Variants in VGLL4 observed in about 807,000 individuals in gnomAD.
VGLL4 encodes the protein vestigial like family member 4.
Under a neutral mutation model 21.0 loss-of-function variants are expected in VGLL4, and 7 were observed. That is an observed-to-expected ratio of 0.33 (90% confidence interval 0.19 to 0.63). VGLL4 has a LOEUF of 0.63. Among genes scored for constraint, VGLL4 ranks in the 20% least tolerant of loss-of-function variants. The pLI is 0.78. For synonymous variants in VGLL4, 222 were observed against 173.2 expected (o/e 1.28, Z -2.21); for missense variants, 394 against 425.7 (o/e 0.93, Z 0.66).
rs2073639305 is a variant in VGLL4, at chr3:11,568,540, GA to G, written c.273-3522del. Reference sequence around the variant, plus strand: ...GCACTATGGGTCAGACAAAGACACTGAAAACAGCGAGAAAAGGCCTGGAGAA... The same window carrying G: ...GCACTATGGGTCAGACAAAGACACTGAAACAGCGAGAAAAGGCCTGGAGAA... On this transcript the variant is annotated intron_variant, in intron 2 of 4. Transcript: ENST00000430365. The surrounding 1 kb of genome is among the most constrained non-coding windows in gnomAD (Gnocchi z 5.9). 6.5e-7 allele frequency: 1 copy of G among 1,549,218 alleles called. No individual in the cohort carries two copies. Among genetic ancestry groups the G allele is most frequent in the Non-Finnish European group, 8.7e-7 (1 of 1,144,334 alleles).
chr3:11,714,932 G>A lies in VGLL4; in HGVS notation c.-14+5462C>T, dbSNP rs898370269. ...GGGCGGATCACGAGGTCAGGAGATC[G>A]AGACCATCCTGGCTAACACAGTGAA... On this transcript the variant is annotated intron_variant, in intron 1 of 5. Coordinates refer to the VGLL4 transcript ENST00000273038. Among the ~76,000 whole-genome samples the A allele has an allele frequency of 8.0e-4, 122 of 152,128 alleles. 1 individual carries two copies. Among genetic ancestry groups the A allele is most frequent in the Admixed American group, 5.2e-3 (80 of 15,288 alleles).
intron 2 of VGLL4, among the ~76,000 whole-genome samples, chr3:11,666,124 C>T (rs2076121217): frequency 6.6e-6 from 1 of 151,888 alleles, no homozygotes; most frequent in African/African-American, 2.4e-5. Context: ...TGGTAGTGGG[C>T]GCCTGTAGTC....
rs191538444 is a variant in VGLL4, at chr3:11,568,108, T to A, written c.273-3089A>T. Among the ~76,000 whole-genome samples the A allele has an allele frequency of 1.3e-4, 20 of 152,230 alleles. No homozygotes were observed. Among genetic ancestry groups the A allele is most frequent in the Admixed American group, 9.8e-4 (15 of 15,286 alleles). On this transcript the variant is annotated intron_variant, in intron 2 of 4. Coordinates refer to ENST00000430365, the MANE Select transcript of VGLL4 (RefSeq NM_001128219.3). The surrounding 1 kb of genome is among the most constrained non-coding windows in gnomAD (Gnocchi z 5.9). ...AGAAAGGCCCGGGAGGGGCTGCAGC[T>A]CCCAAGTGACAGCTCTGGATCCGGG...
rs1038855532 is a variant in VGLL4 at position 11,565,206 on chromosome 3, G to C, written c.273-187C>G. ...CCGGACACCAAAGCCTCTGGGTGCC[G>C]GAGAAGCTGCTGCCAGCGGAGTCCA... On this transcript the variant is annotated intron_variant, in intron 2 of 4. Coordinates refer to ENST00000430365, the MANE Select transcript of VGLL4 (RefSeq NM_001128219.3). This position sits in a 1 kb window ranked among gnomAD's most constrained non-coding sequence, Gnocchi z 4.1. 6.6e-6 allele frequency among the ~76,000 whole-genome samples: 1 copy of C among 152,126 alleles called. No individual in the cohort carries two copies. The highest frequency in any genetic ancestry group is 1.5e-5 in the Non-Finnish European group (1 of 68,026).
At chr3:11,682,114 C>G (rs543322071) in intron 2 of VGLL4, among the ~76,000 whole-genome samples, 1 of 152,140 alleles carries the variant, frequency 6.6e-6, no homozygotes, top group East Asian at 1.9e-4. Context: ...CAAAAATTAG[C>G]CAGGTGTGGC....
At chr3:11,672,614 CTT>C (rs973473995) in intron 2 of VGLL4, among the ~76,000 whole-genome samples, 2 of 152,230 alleles carry the variant, frequency 1.3e-5, no homozygotes, top group Admixed American at 6.5e-5. Context: ...CTTGCAGAGA[CTT>C]TGCTAAAATT....
chr3:11,698,340 C>T (rs2076632667), intron 2 of VGLL4, among the ~76,000 whole-genome samples: 1 of 152,176 alleles, frequency 6.6e-6, no homozygotes, highest in African/African-American at 2.4e-5. Flanking sequence ...GAAACCCCTC[C>T]TCTACTAAAA....
Position 11,685,200 on chromosome 3 carries a change from GTTT to G in VGLL4, c.64+17768_64+17770del, listed in dbSNP as rs34267340. ...TAGCTGCATAGTATTCCATGGTGTT[GTTT>G]TTTTTTTTTTTTTGAGATGGAGTCT... On this transcript the variant is annotated intron_variant, in intron 2 of 5. Transcript: ENST00000273038. 3.1e-3 allele frequency among the ~76,000 whole-genome samples: 406 copies of G among 132,408 alleles called. 4 individuals carry two copies. The highest frequency in any genetic ancestry group is 0.017 in the South Asian group (70 of 4,138). 86.9% of individuals were successfully genotyped at this position (132,408 alleles called of 152,430 possible).
At chr3:11,591,397 T>A (rs982434499) in intron 2 of VGLL4, among the ~76,000 whole-genome samples, 19 of 152,230 alleles carry the variant, frequency 1.2e-4, no homozygotes, top group Admixed American at 6.5e-5. Context: ...TTTGTTCTGC[T>A]TCTCTGACTC....
At position 11,576,119 on chromosome 3, in the gene VGLL4, G is replaced by C. The variant is rs150911171; in HGVS notation, c.273-11100C>G. Among the ~76,000 whole-genome samples, 110 of 152,324 alleles carry C rather than the reference G, an allele frequency of 7.2e-4. 1 individual carries two copies. Among genetic ancestry groups the C allele is most frequent in the African/African-American group, 2.4e-3 (100 of 41,578 alleles). On this transcript the variant is annotated intron_variant, in intron 2 of 4. Transcript: ENST00000430365. ...CATGGCTGAGAACATGACCGGTAAA[G>C]CATCTCACCTGCCCCCACGTTAGCA...
intron 1 of VGLL4, among the ~76,000 whole-genome samples, chr3:11,630,118 TGCCATGA>T (rs879336957): frequency 2.0e-5 from 3 of 152,166 alleles, no homozygotes; most frequent in Non-Finnish European, 4.4e-5. Context: ...TCACTACCTC[TGCCATGA>T]AATTAGGCAA....
intron 2 of VGLL4, among the ~76,000 whole-genome samples, chr3:11,694,918 A>C (rs1297990091): frequency 1.3e-5 from 2 of 152,216 alleles, no homozygotes; most frequent in Non-Finnish European, 1.5e-5. Flanking sequence ...TATTTAGTTT[A>C]TAAATGTGTA....
Position 11,573,245 on chromosome 3 carries a change from GAGAAAGAAAGAAAGAAAGAAAGAA to G in VGLL4, c.273-8250_273-8227del, listed in dbSNP as rs777365240. Reference sequence around the variant, plus strand: ...AAGACAGACAGAAAGAAAAGAAATAGAGAAAGAAAGAAAGAAAGAAAGAAAGAAAGAAAGAAAGAAAGAAAGAAA... The same window carrying G: ...AAGACAGACAGAAAGAAAAGAAATAGAGAAAGAAAGAAAGAAAGAAAGAAA... On this transcript the variant is annotated intron_variant, in intron 2 of 4. Coordinates refer to ENST00000430365, the MANE Select transcript of VGLL4 (RefSeq NM_001128219.3). Among the ~76,000 whole-genome samples the G allele has an allele frequency of 1.4e-3, 107 of 78,770 alleles. 2 individuals carry two copies. Among genetic ancestry groups the G allele is most frequent in the Non-Finnish European group, 1.0e-3 (46 of 45,962 alleles). The allele number at this position is 78,770 out of a possible 152,430, so 51.7% of individuals were successfully genotyped here.
rs1373118685 is a variant in VGLL4 at position 11,558,878 on chromosome 3, A to G, written c.620-51T>C. 3.1e-6 allele frequency: 5 copies of G among 1,591,480 alleles called. No homozygotes were observed. In the South Asian group the frequency reaches 4.5e-5, roughly 14 times the overall value. ...GTCAGACACAGGTGGCTGCAGACAG[A>G]CAGGCACGGTTGCAGCACCCTCCCT... is the stretch of plus-strand genomic sequence containing the variant. On this transcript the variant is annotated intron_variant, in intron 4 of 4. Transcript: ENST00000430365.
At chr3:11,664,902 A>T (rs2076093829) in intron 2 of VGLL4, among the ~76,000 whole-genome samples, 1 of 151,932 alleles carries the variant, frequency 6.6e-6, no homozygotes, top group South Asian at 2.1e-4. Context: ...ACCAGTAACT[A>T]GTGATCAGGC....
intron 2 of VGLL4, among the ~76,000 whole-genome samples, chr3:11,661,682 T>C (rs1158227606): frequency 6.6e-6 from 1 of 151,956 alleles, no homozygotes; most frequent in African/African-American, 2.4e-5. Flanking sequence ...GTGTTGGCCA[T>C]GCTGGTCTCC....
chr3:11,718,546 A>G (rs1299854089), intron 1 of VGLL4, among the ~76,000 whole-genome samples: 1 of 152,220 alleles, frequency 6.6e-6, no homozygotes, highest in Non-Finnish European at 1.5e-5. Flanking sequence ...AGAAAGAGTT[A>G]AAGTTTGGTA....
chr3:11,674,348 G>A lies in VGLL4; in HGVS notation c.64+28623C>T, dbSNP rs116641524. On this transcript the variant is annotated intron_variant, in intron 2 of 5. Transcript: ENST00000273038. ...GAAGAGGGATCCCAGCATGGCACTT[G>A]TGTGTCCCAGACACGGAACTGCGGC... 3.7e-3 allele frequency among the ~76,000 whole-genome samples: 558 copies of A among 152,298 alleles called. 3 individuals carry two copies. The highest frequency in any genetic ancestry group is 0.012 in the African/African-American group (503 of 41,550).
At chr3:11,623,075 C>G (rs2616554) in intron 1 of VGLL4, among the ~76,000 whole-genome samples, 55,711 of 151,984 alleles carry the variant, frequency 0.37, 11,009 homozygotes, top group African/African-American at 0.52. Flanking sequence ...GATTCCAATG[C>G]TGGTGACAGA....
Sources: gnomAD v4.1 joint callset for allele counts (sites outside exome capture counted in the v4.1 genomes callset) on GRCh38, gnomAD v4.1.1 for gene constraint, Gnocchi (gnomAD v3.1) non-coding constraint, MANE v1.5 for transcripts, NCBI Gene and HGNC (gene_info 2026-07-23, HGNC 2026-07-21) for gene names.